Variants in FRMD4A observed in about 807,000 individuals in gnomAD.
FRMD4A encodes FERM domain-containing protein 4A.
FRMD4A carries 29 observed loss-of-function variants against 129.1 expected under a neutral mutation model. That is an observed-to-expected ratio of 0.22 (90% CI 0.17 to 0.31). The LOEUF is 0.31. FRMD4A is among the 10% of genes least tolerant of loss of function. The pLI, the probability that FRMD4A is intolerant of heterozygous loss-of-function variation, is 1.00. For missense variants in FRMD4A, 1,272 were observed against 1,375.8 expected, an observed-to-expected ratio of 0.92 and a Z score of 1.19; for synonymous variants, 634 against 571.6, an observed-to-expected ratio of 1.11 and a Z score of -1.56.
intron 2 of FRMD4A, among the ~76,000 whole-genome samples, chr10:14,031,331 A>G (rs970540433): frequency 7.9e-5 from 12 of 151,750 alleles, no homozygotes; most frequent in African/African-American, 2.4e-4. Flanking sequence ...GCAATGGCAC[A>G]ATCTCGGCTC....
chr10:14,137,726 T>C (rs75590161), intron 2 of FRMD4A, among the ~76,000 whole-genome samples: 2,004 of 152,344 alleles, frequency 0.013, 60 homozygotes, highest in African/African-American at 0.046. Flanking sequence ...AGCCATCAAT[T>C]GCATATATGT....
intron 24 of FRMD4A, among the ~76,000 whole-genome samples, chr10:13,650,220 T>A (rs971580610): frequency 6.6e-6 from 1 of 152,176 alleles, no homozygotes; most frequent in African/African-American, 2.4e-5. Context: ...AATTATTTTT[T>A]TAAACGTATA....
chr10:14,290,036 A>G (rs187291901), intron 2 of FRMD4A, among the ~76,000 whole-genome samples: 322 of 152,200 alleles, frequency 2.1e-3, no homozygotes, highest in Middle Eastern at 0.014. Context: ...ATACTAAGAA[A>G]TAAGTTTAAC....
intron 14 of FRMD4A, among the ~76,000 whole-genome samples, chr10:13,695,044 G>A (rs920673626): frequency 2.6e-5 from 4 of 152,058 alleles, no homozygotes; most frequent in Admixed American, 6.5e-5. Flanking sequence ...TTTAATCCAC[G>A]TTGACTGGCT....
intron 2 of FRMD4A, among the ~76,000 whole-genome samples, chr10:14,222,170 A>T (rs7899620): frequency 0.99 from 150,567 of 152,336 alleles, 74,431 homozygotes; most frequent in East Asian, 1. Flanking sequence ...GCATGGAAAA[A>T]TACAGGATGT....
At chr10:13,666,501 T>C (rs1339089531) in intron 17 of FRMD4A, among the ~76,000 whole-genome samples, 176 bp from the exon 18 acceptor site, 1 of 152,202 alleles carries the variant, frequency 6.6e-6, no homozygotes, top group Non-Finnish European at 1.5e-5. Context: ...GTTGTAACCC[T>C]TGCTCCTGTT....
intron 2 of FRMD4A, among the ~76,000 whole-genome samples, chr10:14,261,327 G>C (rs1844793184): frequency 6.6e-6 from 1 of 152,200 alleles, no homozygotes; most frequent in Non-Finnish European, 1.5e-5. Flanking sequence ...TATTTGGAGA[G>C]TGAATTAATT....
chr10:14,105,450 C>A (rs1837539080), intron 2 of FRMD4A, among the ~76,000 whole-genome samples: 1 of 152,038 alleles, frequency 6.6e-6, no homozygotes, highest in Non-Finnish European at 1.5e-5. Context: ...ATTTCCATAT[C>A]TTCTCTCTAT....
At chr10:14,195,965 A>G (rs993832169) in intron 2 of FRMD4A, among the ~76,000 whole-genome samples, 1 of 152,230 alleles carries the variant, frequency 6.6e-6, no homozygotes, top group Admixed American at 6.5e-5. Context: ...TTTACAGAGC[A>G]GCTATTATGT....
chr10:14,056,134 C>G (rs1171413917), intron 2 of FRMD4A, among the ~76,000 whole-genome samples: 2 of 152,150 alleles, frequency 1.3e-5, no homozygotes, highest in Non-Finnish European at 2.9e-5. Flanking sequence ...CATGTTCAAG[C>G]AATTCTTCTG....
chr10:14,116,123 T>C (rs1019923203), intron 2 of FRMD4A, among the ~76,000 whole-genome samples: 2 of 152,212 alleles, frequency 1.3e-5, no homozygotes, highest in African/African-American at 4.8e-5. Flanking sequence ...TAGTTGTTTT[T>C]CTCCTCGGGC....
chr10:14,086,543 A>G (rs1263438850), intron 2 of FRMD4A, among the ~76,000 whole-genome samples: 2 of 152,206 alleles, frequency 1.3e-5, no homozygotes, highest in Non-Finnish European at 2.9e-5. Context: ...ATTAAAAAGT[A>G]TTTTATCATA....
intron 21 of FRMD4A, among the ~76,000 whole-genome samples, chr10:13,657,788 G>GTT (rs10695622): frequency 0.052 from 7,497 of 143,268 alleles, 389 homozygotes; most frequent in African/African-American, 0.13. Context: ...CGATTTCTGG[G>GTT]TTTTTTTTTT....
intron 2 of FRMD4A, among the ~76,000 whole-genome samples, chr10:14,154,772 C>T (rs888958703): frequency 4.6e-5 from 7 of 152,164 alleles, no homozygotes; most frequent in Non-Finnish European, 8.8e-5. Context: ...GGAGTCAATT[C>T]TCCTATTGCT....
chr10:14,214,506 C>T (rs967259635), intron 2 of FRMD4A, among the ~76,000 whole-genome samples: 2 of 152,170 alleles, frequency 1.3e-5, no homozygotes, highest in South Asian at 2.1e-4. Context: ...TGTCCTATAA[C>T]CTGTCTCATT....
chr10:13,670,447 C>T lies in FRMD4A; in HGVS notation c.1333G>A (p.Ala445Thr). ...PPIVRRRIGT[A>T]FKLDEQKILP... Reference sequence around the variant, plus strand: ...ATTTTCTGTTCATCCAGTTTGAAGGCTGTTCCTATTCTTCTCCGAACAATG... The same window carrying T: ...ATTTTCTGTTCATCCAGTTTGAAGGTTGTTCCTATTCTTCTCCGAACAATG... The change falls in exon 17 of 25, where the codon GCC becomes ACC. Residue 445 changes from alanine (A) to threonine (T), a missense_variant. Physicochemically the swap from Ala to Thr is moderately conservative, Grantham distance 58. Around this residue, in one of 2 missense-constraint regions of FRMD4A, gnomAD observed 972 missense variants for 892.3 expected, o/e 1.09. Transcript: ENST00000357447. 1 of 1,613,436 alleles carries T rather than the reference C, an allele frequency of 6.2e-7. No homozygotes were observed. Among genetic ancestry groups the T allele is most frequent in the Non-Finnish European group, 8.5e-7 (1 of 1,179,512 alleles).
chr10:13,787,386 C>G (rs575841368), intron 5 of FRMD4A, among the ~76,000 whole-genome samples: 64 of 152,328 alleles, frequency 4.2e-4, no homozygotes, highest in African/African-American at 1.5e-3. Flanking sequence ...ATGGTGCACA[C>G]CGGTGGCACC....
intron 12 of FRMD4A, among the ~76,000 whole-genome samples, chr10:13,730,334 T>G (rs79925315): frequency 6.6e-5 from 10 of 152,300 alleles, no homozygotes; most frequent in Non-Finnish European, 1.3e-4. Context: ...CAGATAGCAT[T>G]TAATTTTCAT....
rs2083102090 is a variant in FRMD4A, at chr10:13,666,973, G to A, written c.1375-648C>T. Among the ~76,000 whole-genome samples, 4 of 144,290 alleles carry A rather than the reference G, an allele frequency of 2.8e-5. No homozygotes were observed. The South Asian group carries it at 6.6e-4, about 24-fold the overall frequency. The allele number at this position is 144,290 out of a possible 152,430, so 94.7% of individuals were successfully genotyped here. A position where few individuals can be genotyped will look rare whatever the true frequency, so the allele number is the denominator to read the frequency against. On this transcript the variant is annotated intron_variant, in intron 17 of 24. Transcript: ENST00000357447. ...GTCACCCAGGCTGGAGTGCACTGGT[G>A]CAATCTCTGCTCACTGTAACCACTG...
Sources: gnomAD v4.1 joint callset for allele counts (sites outside exome capture counted in the v4.1 genomes callset) on GRCh38, gnomAD v4.1.1 for gene constraint, gnomAD v4.1.1 regional missense constraint, MANE v1.5 for transcripts, NCBI Gene and HGNC (gene_info 2026-07-23, HGNC 2026-07-21) for gene names.